The following ATM variants were observed in gnomAD, a reference collection of about 807,000 sequenced individuals.
ATM encodes serine-protein kinase ATM.
A neutral mutation model predicts 387.0 loss-of-function variants in ATM; 308 were observed. That is an observed-to-expected ratio of 0.80 (90% confidence interval 0.73 to 0.87). The LOEUF is 0.87. ATM is among the 40% of genes least tolerant of loss of function. ATM has a pLI of 0.00. For synonymous variants in ATM, 1,156 were observed against 1,187.3 expected, an observed-to-expected ratio of 0.97 and a Z score of 0.54; for missense variants, 3,312 against 3,560.9, an observed-to-expected ratio of 0.93 and a Z score of 1.78.
chr11:108,332,124 G>A (rs2136535862), intron 52 of ATM, 87 bp downstream of exon 52: 2 of 1,531,180 alleles, frequency 1.3e-6, no homozygotes, highest in Non-Finnish European at 1.8e-6. Context: ...GTGTTATTAA[G>A]ATGCCATCTA....
At chr11:108,226,461 A>C (rs1027373593) in intron 1 of ATM, 3 of 152,230 alleles carry the variant, frequency 2.0e-5, no homozygotes, top group African/African-American at 7.2e-5. Flanking sequence ...AGGCATAGTA[A>C]AATATAGTTG....
In ATM at chr11:108,251,909, G is replaced by A. The variant is rs1555071815; in HGVS notation, c.1680G>A (p.Glu560=). Residue 560 remains glutamate, a synonymous_variant, in exon 11 of 63, where the codon GAG becomes GAA. Coordinates refer to ENST00000675843, the MANE Select transcript of ATM (RefSeq NM_000051.4). The stretch of plus-strand genomic sequence containing the variant: ...CAGGAACGGTAAAAATGGGAATAGA[G>A]CAAAATATGTGTGAAGTAAATAGAA... ...IVPGTVKMGI[E]QNMCEVNRSF... The A allele has an allele frequency of 1.2e-6, 2 of 1,613,956 alleles. No individual in the cohort carries two copies. Among genetic ancestry groups the A allele is most frequent in the African/African-American group, 1.3e-5 (1 of 75,054 alleles).
intron 58 of ATM, 123 bp from the exon 59 acceptor site, chr11:108,347,155 TA>T: frequency 2.5e-6 from 2 of 788,968 alleles, no homozygotes; most frequent in East Asian, 5.2e-5. Flanking sequence ...ATCATTTAAG[TA>T]GGCTAAAAAT....
chr11:108,339,858 T>C (rs999499455), intron 56 of ATM, among the ~76,000 whole-genome samples: 1 of 152,030 alleles, frequency 6.6e-6, no homozygotes, highest in African/African-American at 2.4e-5. Flanking sequence ...CACAGCTAAC[T>C]CAAAGACAGC....
At chr11:108,333,156 C>T (rs2086464429) in intron 53 of ATM, among the ~76,000 whole-genome samples, 2 of 152,210 alleles carry the variant, frequency 1.3e-5, no homozygotes, top group East Asian at 1.9e-4. Flanking sequence ...ATACTTATTA[C>T]AGAGAATTGC....
intron 38 of ATM, chr11:108,308,413 G>T: frequency 4.6e-6 from 1 of 219,440 alleles, no homozygotes; most frequent in South Asian, 6.8e-5. Context: ...TCTTTACTGT[G>T]TGCAGTGGTC....
At chr11:108,363,319 C>T (rs955151003) in intron 61 of ATM, among the ~76,000 whole-genome samples, 5 of 152,194 alleles carry the variant, frequency 3.3e-5, no homozygotes, top group Non-Finnish European at 1.5e-5. Context: ...CTTCAGAGCA[C>T]TTTAACCTGG....
At chr11:108,335,182 G>C (rs181026675) in intron 55 of ATM, 73 bp downstream of exon 55, 139 of 1,605,738 alleles carry the variant, frequency 8.7e-5, no homozygotes, top group Non-Finnish European at 1.1e-4. Flanking sequence ...TTTTCTTTCT[G>C]CTTTATTTGG....
chr11:108,224,788 A>G (rs996453885), intron 1 of ATM: 10 of 152,192 alleles, frequency 6.6e-5, no homozygotes, highest in African/African-American at 2.4e-4. Context: ...CCTCAGAGGC[A>G]TACATCACAA....
intron 5 of ATM, among the ~76,000 whole-genome samples, chr11:108,238,395 C>T (rs1307286728): frequency 1.3e-5 from 2 of 151,916 alleles, no homozygotes; most frequent in Non-Finnish European, 2.9e-5. Flanking sequence ...CAAGTGATAC[C>T]CTTCCCTTGA....
At chr11:108,280,900 G>C (rs2135662571) in intron 23 of ATM, 95 bp from the exon 24 acceptor site, 3 of 1,165,952 alleles carry the variant, frequency 2.6e-6, no homozygotes, top group Non-Finnish European at 3.7e-6. Context: ...AATGTGTATA[G>C]CTTGTCAAAA....
At chr11:108,290,124 G>A in intron 29 of ATM, 1 of 243,470 alleles carries the variant, frequency 4.1e-6, no homozygotes, top group Non-Finnish European at 8.1e-6. Context: ...CTCCCAGTGT[G>A]CTGGGATTAC....
intron 37 of ATM, among the ~76,000 whole-genome samples, chr11:108,305,601 C>G (rs4988050): frequency 0.021 from 3,234 of 151,908 alleles, 86 homozygotes; most frequent in African/African-American, 0.067. Context: ...GAAAAAAAAC[C>G]CTTTGTATAA....
chr11:108,256,319 A>G lies in ATM; in HGVS notation c.2229A>G (p.Ser743=), dbSNP rs758453118. 1.9e-6 allele frequency: 3 copies of G among 1,611,024 alleles called. No individual in the cohort carries two copies. In the South Asian group the frequency reaches 3.3e-5, roughly 18 times the overall value. Residue 743 remains serine (S), a synonymous_variant, in exon 14 of 63, where the codon TCA becomes TCG. Transcript: ENST00000675843. Reference sequence around the variant, plus strand: ...TAGCTGAAGAGGAAGCATATAAGTCAGAATTATTCCAGAAAGCCAAGGTAG... The same window carrying G: ...TAGCTGAAGAGGAAGCATATAAGTCGGAATTATTCCAGAAAGCCAAGGTAG... ...GVIAEEEAYK[S]ELFQKAKSLM...
At chr11:108,337,952 T>C (rs1179006735) in intron 56 of ATM, among the ~76,000 whole-genome samples, 2 of 152,254 alleles carry the variant, frequency 1.3e-5, no homozygotes, top group East Asian at 3.8e-4. Context: ...ATGCCTGACC[T>C]AGAATATCTT....
intron 29 of ATM, among the ~76,000 whole-genome samples, chr11:108,291,980 T>G (rs1234498949): frequency 1.3e-5 from 2 of 152,222 alleles, no homozygotes; most frequent in Admixed American, 1.3e-4. Flanking sequence ...AGGCAGCCTC[T>G]TGTATGTCTC....
intron 49 of ATM, among the ~76,000 whole-genome samples, chr11:108,329,903 T>TA (rs1348692432): frequency 1.3e-5 from 2 of 152,360 alleles, no homozygotes; most frequent in Admixed American, 6.5e-5. Context: ...TTACAAAAGT[T>TA]ACCTATTTTG....
chr11:108,297,177 T>C (rs2083167548), intron 32 of ATM, 110 bp from the exon 33 acceptor site: 1 of 926,172 alleles, frequency 1.1e-6, no homozygotes, highest in Admixed American at 2.3e-5. Flanking sequence ...TAAAACCTTT[T>C]TTAAACTTTA....
intron 9 of ATM, among the ~76,000 whole-genome samples, chr11:108,249,921 T>TA (rs1266869996): frequency 6.6e-6 from 1 of 152,136 alleles, no homozygotes; most frequent in Non-Finnish European, 1.5e-5. Context: ...GAACACCTGT[T>TA]ATGGGCTAAG....
Sources: gnomAD v4.1 joint callset for allele counts (sites outside exome capture counted in the v4.1 genomes callset) on GRCh38, gnomAD v4.1.1 for gene constraint, MANE v1.5 for transcripts, NCBI Gene and HGNC (gene_info 2026-07-23, HGNC 2026-07-21) for gene names.